RCC2: variants seen among roughly 807,000 people sequenced by gnomAD.
RCC2 encodes the protein regulator of chromosome condensation 2, also known as protein RCC2.
In RCC2, 19 loss-of-function variants were observed where a neutral mutation model predicts 64.1. The observed-to-expected ratio is 0.30, with a 90% CI of 0.21 to 0.44. The LOEUF (loss-of-function observed/expected upper bound fraction) is 0.44, where lower values mean the gene tolerates loss of function less well. Among genes scored for constraint, RCC2 ranks in the 20% least tolerant of loss-of-function variants. The pLI is 1.00. For missense variants in RCC2, 508 were observed against 710.4 expected (o/e 0.72, Z 3.24); for synonymous variants, 325 against 279.6 (o/e 1.16, Z -1.62).
chr1:17,429,247 C>A (rs1375357897), intron 2 of RCC2, 48 bp from the exon 3 acceptor site: 1 of 1,467,384 alleles, frequency 6.8e-7, no homozygotes, highest in Admixed American at 1.7e-5. Context: ...AAGTCTGCAC[C>A]TAGCTTTCCA....
Position 17,425,584 on chromosome 1 carries a change from T to C in RCC2, c.480A>G (p.Ala160=), listed in dbSNP as rs941261614. ...CTTCCGTGGTGATGAGGAGGCTGTG[T>C]GCAGCACACGAGCCCGAGACCACTG... ...VRTVVSGSCA[A]HSLLITTEGK... is the part of the protein sequence containing the mutation. The change falls in exon 4 of 13, where the codon GCA becomes GCG. Residue 160 remains alanine, a synonymous_variant. Coordinates refer to ENST00000375436, the MANE Select transcript of RCC2 (RefSeq NM_018715.4). 1 of 1,613,956 alleles carries C rather than the reference T, an allele frequency of 6.2e-7. No individual in the cohort carries two copies. The highest frequency in any genetic ancestry group is 1.3e-5 in the African/African-American group (1 of 75,048).
chr1:17,432,540 T>G (rs935282798), intron 2 of RCC2, among the ~76,000 whole-genome samples: 5 of 152,176 alleles, frequency 3.3e-5, no homozygotes, highest in Non-Finnish European at 7.4e-5. Flanking sequence ...TATGAACCAT[T>G]GAAGTCAAAC....
At chr1:17,439,142 G>C (rs781496282) in intron 1 of RCC2, among the ~76,000 whole-genome samples, 3 of 152,194 alleles carry the variant, frequency 2.0e-5, no homozygotes, top group Non-Finnish European at 2.9e-5. Context: ...CGGGGGAAGA[G>C]CCCGAAGAAA....
chr1:17,432,522 G>T (rs1417085268), intron 2 of RCC2, among the ~76,000 whole-genome samples: 1 of 152,208 alleles, frequency 6.6e-6, no homozygotes, highest in Non-Finnish European at 1.5e-5. Flanking sequence ...ATGGGCACCT[G>T]TGCTCAGTAT....
At chr1:17,413,451 AT>A in intron 9 of RCC2, 85 bp downstream of exon 9, 1 of 1,343,956 alleles carries the variant, frequency 7.4e-7, no homozygotes, top group South Asian at 1.2e-5. Context: ...GGTAAAGAGA[AT>A]TGGGGTTCGT....
chr1:17,431,351 A>ATAAAAAAT (rs1386184440), intron 2 of RCC2, among the ~76,000 whole-genome samples: 2 of 50,548 alleles, frequency 4.0e-5, no homozygotes, highest in South Asian at 6.8e-4. Context: ...AAAAAAAAAA[A>ATAAAAAAT]AAAAAAAAAT....
At chr1:17,412,888 A>G (rs1307625468) in intron 10 of RCC2, among the ~76,000 whole-genome samples, 185 bp downstream of exon 10, 1 of 152,240 alleles carries the variant, frequency 6.6e-6, no homozygotes, top group Non-Finnish European at 1.5e-5. Flanking sequence ...CTGTTCTAGC[A>G]GCAAATGGGC....
chr1:17,426,631 C>T (rs2100380884), intron 3 of RCC2, among the ~76,000 whole-genome samples: 1 of 152,322 alleles, frequency 6.6e-6, no homozygotes, highest in East Asian at 1.9e-4. Flanking sequence ...AGGCTCCCTC[C>T]AGCCTAGACC....
rs537824875 is a variant in RCC2 at position 17,413,182 on chromosome 1, AG to A, written c.1208-5del. ...GCCCCCCAGAAAAACAGACCACCTA[AG>A]GGAAGACAAAACATGTTCCCAGCGT... On this transcript the variant is annotated splice_region_variant and splice_polypyrimidine_tract_variant and intron_variant, in intron 9 of 12. Coordinates refer to ENST00000375436, the MANE Select transcript of RCC2 (RefSeq NM_018715.4). 7.4e-4 allele frequency: 1,189 copies of A among 1,599,780 alleles called. 25 individuals carry two copies. The South Asian group carries it at 0.013, about 17-fold the overall frequency.
chr1:17,417,325 G>A (rs2075498656), intron 7 of RCC2, among the ~76,000 whole-genome samples: 1 of 152,202 alleles, frequency 6.6e-6, no homozygotes, highest in Non-Finnish European at 1.5e-5. Context: ...TGCAGCAGCA[G>A]GGCTGCTAAG....
intron 7 of RCC2, among the ~76,000 whole-genome samples, chr1:17,418,595 T>G (rs1165412124): frequency 2.0e-5 from 3 of 151,228 alleles, no homozygotes; most frequent in Non-Finnish European, 2.9e-5. Context: ...AGGCGGAGGG[T>G]GCAGTGACCC....
At chr1:17,414,168 C>A (rs2075455936) in intron 8 of RCC2, among the ~76,000 whole-genome samples, 1 of 152,296 alleles carries the variant, frequency 6.6e-6, no homozygotes, top group South Asian at 2.1e-4. Flanking sequence ...CAAGTCTTAA[C>A]CCTTTCCTTA....
chr1:17,437,482 GT>G (rs1009488302), intron 2 of RCC2, among the ~76,000 whole-genome samples: 3 of 152,180 alleles, frequency 2.0e-5, no homozygotes, highest in Non-Finnish European at 4.4e-5. Context: ...GTTAACTTGA[GT>G]CAGCCACGAC....
intron 4 of RCC2, among the ~76,000 whole-genome samples, chr1:17,424,487 G>C (rs1442818512): frequency 6.6e-6 from 1 of 152,144 alleles, no homozygotes; most frequent in Non-Finnish European, 1.5e-5. Context: ...ATGCCAACCG[G>C]GAGAAAACAA....
At chr1:17,427,250 C>G (rs1371198631) in intron 3 of RCC2, among the ~76,000 whole-genome samples, 1 of 152,212 alleles carries the variant, frequency 6.6e-6, no homozygotes, top group African/African-American at 2.4e-5. Flanking sequence ...CAGCCCCACC[C>G]TCCGCCCTCA....
chr1:17,413,258 A>G, intron 9 of RCC2, 80 bp from the exon 10 acceptor site: 1 of 1,084,024 alleles, frequency 9.2e-7, no homozygotes, highest in South Asian at 1.3e-5. Flanking sequence ...CAGGGTGAAA[A>G]GAGGACGGGA....
At chr1:17,431,359 A>ATAAAAATATATATATAT (rs1265674393) in intron 2 of RCC2, among the ~76,000 whole-genome samples, 1,990 of 44,958 alleles carry the variant, frequency 0.044, 290 homozygotes, top group Middle Eastern at 0.083. Flanking sequence ...AAAAAAAAAA[A>ATAAAAATATATATATAT]ATATATATAT....
chr1:17,431,359 A>ATATATATATATATATATATATATATAT lies in RCC2; in HGVS notation c.286-2161_286-2160insATATATATATATATATATATATATATA, dbSNP rs1265674393. On this transcript the variant is annotated intron_variant, in intron 2 of 12. Transcript: ENST00000375436. Reference sequence around the variant, plus strand: ...AAAAAAAAAAAAAAAAAAAAAAAAAAATATATATATATATATATATATGTG... The same window carrying ATATATATATATATATATATATATATAT: ...AAAAAAAAAAAAAAAAAAAAAAAAAATATATATATATATATATATATATATATATATATATATATATATATATATGTG... Among the ~76,000 whole-genome samples the ATATATATATATATATATATATATATAT allele has an allele frequency of 5.6e-4, 25 of 44,932 alleles. 1 individual carries two copies. Among genetic ancestry groups the ATATATATATATATATATATATATATAT allele is most frequent in the Admixed American group, 1.1e-3 (3 of 2,822 alleles). The allele number at this position is 44,932 out of a possible 152,430, so 29.5% of individuals were successfully genotyped here. A position where few individuals can be genotyped will look rare whatever the true frequency, so the allele number is the denominator to read the frequency against.
At chr1:17,438,778 C>T (rs1021529100) in intron 1 of RCC2, among the ~76,000 whole-genome samples, 1 of 152,168 alleles carries the variant, frequency 6.6e-6, no homozygotes, top group African/African-American at 2.4e-5. Context: ...AATTGAGACC[C>T]CCGGCCTATC....
Sources: gnomAD v4.1 joint callset for allele counts (sites outside exome capture counted in the v4.1 genomes callset) on GRCh38, gnomAD v4.1.1 for gene constraint, MANE v1.5 for transcripts, NCBI Gene and HGNC (gene_info 2026-07-23, HGNC 2026-07-21) for gene names.